AVL9: variants seen among roughly 807,000 people sequenced by gnomAD.
AVL9 encodes AVL9 cell migration associated, also known as late secretory pathway protein AVL9 homolog.
In AVL9, 49 loss-of-function variants were observed where a neutral mutation model predicts 79.2. That is an observed-to-expected ratio of 0.62 (90% CI 0.49 to 0.79). The LOEUF (loss-of-function observed/expected upper bound fraction) is 0.79. Among genes scored for constraint, AVL9 ranks in the 30% least tolerant of loss-of-function variants. AVL9 has a pLI of 0.00. For missense variants in AVL9, 682 were observed against 776.8 expected (o/e 0.88, Z 1.45); for synonymous variants, 299 against 280.6 (o/e 1.07, Z -0.65).
intron 8 of AVL9, among the ~76,000 whole-genome samples, chr7:32,557,647 G>A (rs570194078): frequency 2.6e-5 from 4 of 152,264 alleles, no homozygotes; most frequent in Non-Finnish European, 4.4e-5. Flanking sequence ...GTAGTTAGTA[G>A]TATTGGTGAT....
chr7:32,573,466 T>C (rs778516703), intron 12 of AVL9, 48 bp downstream of exon 12: 137 of 1,520,998 alleles, frequency 9.0e-5, no homozygotes, highest in Non-Finnish European at 1.2e-4. Flanking sequence ...TTATAATTTT[T>C]CATTTTGTAA....
intron 1 of AVL9, among the ~76,000 whole-genome samples, chr7:32,500,748 T>C (rs1453397047): frequency 2.0e-5 from 3 of 152,144 alleles, no homozygotes; most frequent in African/African-American, 7.2e-5. Flanking sequence ...TAGGTGTTAG[T>C]TTAAGTCTTT....
intron 15 of AVL9, among the ~76,000 whole-genome samples, chr7:32,583,025 AC>A (rs1179538129): frequency 2.6e-5 from 4 of 152,138 alleles, no homozygotes; most frequent in African/African-American, 9.7e-5. Context: ...AACACAATAG[AC>A]CTGGGGCAGA....
rs1583579784 is a variant in AVL9 at position 32,562,089 on chromosome 7, G to C, written c.1215+2625G>C. ...TCAACATAACAAACACAATAATAAGGAAAACGTGTGAGATGTGAGAATTAC... is the reference window on the plus strand; with the variant it reads ...TCAACATAACAAACACAATAATAAGCAAAACGTGTGAGATGTGAGAATTAC... On this transcript the variant is annotated intron_variant, in intron 10 of 15. Transcript: ENST00000318709. Among the ~76,000 whole-genome samples the C allele has an allele frequency of 2.0e-5, 3 of 152,274 alleles. No individual in the cohort carries two copies. The East Asian group carries it at 5.8e-4, about 29-fold the overall frequency.
In AVL9 at chr7:32,498,756, C is replaced by T. The variant is rs73297790; in HGVS notation, c.93+2954C>T. Among the ~76,000 whole-genome samples, 127 of 151,760 alleles carry T rather than the reference C, an allele frequency of 8.4e-4. 1 individual carries two copies. The highest frequency in any genetic ancestry group is 3.0e-3 in the African/African-American group (122 of 41,348). ...GTGATTTTTTTGAGTTCTACCATAACATTTAAAGTTGTTTCAAAATATTTA... is the reference window on the plus strand; with the variant it reads ...GTGATTTTTTTGAGTTCTACCATAATATTTAAAGTTGTTTCAAAATATTTA... On this transcript the variant is annotated intron_variant, in intron 1 of 15. Transcript: ENST00000318709.
At chr7:32,540,368 G>A (rs978804058) in intron 1 of AVL9, among the ~76,000 whole-genome samples, 12 of 152,218 alleles carry the variant, frequency 7.9e-5, no homozygotes, top group Non-Finnish European at 1.3e-4. Context: ...TATGTGAGCA[G>A]ACAGTGCTTC....
chr7:32,545,408 G>A (rs900745715), intron 3 of AVL9, among the ~76,000 whole-genome samples: 8 of 110,928 alleles, frequency 7.2e-5, no homozygotes, highest in Admixed American at 3.0e-4. Flanking sequence ...GTCTCACTCT[G>A]TTGCCTAGGC....
In AVL9 at chr7:32,584,222, C is replaced by G. The variant is rs1290357646; in HGVS notation, c.*315C>G. ...TTGGTTTACTTTAGAAGAGTTTTTA[C>G]TTATGTAAATTTTGTTCTGTTTTGG... is the stretch of plus-strand genomic sequence containing the variant. On this transcript the variant is annotated 3_prime_UTR_variant, in exon 16 of 16. Coordinates refer to ENST00000318709, the MANE Select transcript of AVL9 (RefSeq NM_015060.3). The G allele has an allele frequency of 9.9e-6, 3 of 302,080 alleles. No homozygotes were observed. Among genetic ancestry groups the G allele is most frequent in the African/African-American group, 6.4e-5 (3 of 46,564 alleles). The allele number at this position is 302,080 out of a possible 1,614,324, so 18.7% of individuals were successfully genotyped here.
Position 32,585,555 on chromosome 7 carries a change from G to T in AVL9, c.*1648G>T, listed in dbSNP as rs763118873. 7.9e-5 allele frequency: 12 copies of T among 152,228 alleles called. No individual in the cohort carries two copies. The highest frequency in any genetic ancestry group is 1.5e-4 in the Non-Finnish European group (10 of 68,040). 9.4% of individuals were successfully genotyped at this position (152,228 alleles called of 1,614,324 possible). ...TACATTGTGAGTATGATCTATCCCA[G>T]ATTGCTGGGGAAATAAAGGAGGGCC... On this transcript the variant is annotated 3_prime_UTR_variant, in exon 16 of 16. Transcript: ENST00000318709.
At chr7:32,560,193 G>A (rs1397291179) in intron 10 of AVL9, among the ~76,000 whole-genome samples, 1 of 151,806 alleles carries the variant, frequency 6.6e-6, no homozygotes, top group Non-Finnish European at 1.5e-5. Flanking sequence ...CAGACTGGGT[G>A]ACAGAGGGAG....
At chr7:32,536,029 T>G (rs1402425489) in intron 1 of AVL9, 1 of 152,274 alleles carries the variant, frequency 6.6e-6, no homozygotes, top group Non-Finnish European at 1.5e-5. Context: ...GTTTCCTCCC[T>G]AGCATTACAG....
At chr7:32,519,473 C>G (rs966651811) in intron 1 of AVL9, among the ~76,000 whole-genome samples, 1 of 151,144 alleles carries the variant, frequency 6.6e-6, no homozygotes, top group African/African-American at 2.4e-5. Flanking sequence ...CAGACTGATA[C>G]AAGCTAGTTC....
rs1467233885 is a variant in AVL9 at position 32,539,727 on chromosome 7, C to T, written c.94-3414C>T. 2.0e-5 allele frequency among the ~76,000 whole-genome samples: 3 copies of T among 152,168 alleles called. No homozygotes were observed. In the East Asian group the frequency reaches 5.8e-4, roughly 29 times the overall value. ...TATTAAAGTTCTGAGGTCAGAATTC[C>T]GAAATGGGTTTCACTGGGCTAAAAT... On this transcript the variant is annotated intron_variant, in intron 1 of 15. Coordinates refer to ENST00000318709, the MANE Select transcript of AVL9 (RefSeq NM_015060.3).
intron 10 of AVL9, among the ~76,000 whole-genome samples, chr7:32,560,785 T>G (rs1452031648): frequency 1.3e-5 from 2 of 152,192 alleles, no homozygotes; most frequent in African/African-American, 4.8e-5. Context: ...CCTTATGAAA[T>G]GTGTTTCTTA....
intron 1 of AVL9, among the ~76,000 whole-genome samples, chr7:32,541,629 CA>C (rs1387335531): frequency 2.0e-5 from 3 of 151,960 alleles, no homozygotes; most frequent in African/African-American, 7.3e-5. Flanking sequence ...TCCAACAAAG[CA>C]AACTGGGATG....
chr7:32,573,289 G>C lies in AVL9; in HGVS notation c.1441G>C (p.Val481Leu). 1 of 1,613,860 alleles carries C rather than the reference G, an allele frequency of 6.2e-7. No individual in the cohort carries two copies. The highest frequency in any genetic ancestry group is 1.3e-5 in the African/African-American group (1 of 74,898). Reference protein sequence around the residue: ...TADLRFADYLVRHVTENRDDV... With the variant: ...TADLRFADYLLRHVTENRDDV... ...AGACCTAAGGTTCGCAGACTACCTA[G>C]TGAGGCACGTGACTGAGAATCGGGA... The change falls in exon 12 of 16, where the codon GTG (valine) becomes CTG (leucine). Residue 481 changes from valine to leucine, a missense_variant. By Grantham distance (32) the Val-to-Leu change is conservative (BLOSUM62 1). Transcript: ENST00000318709.
At chr7:32,541,651 G>A (rs899749232) in intron 1 of AVL9, among the ~76,000 whole-genome samples, 2 of 151,392 alleles carry the variant, frequency 1.3e-5, no homozygotes, top group African/African-American at 4.9e-5. Context: ...AAACCTGTAT[G>A]ATAAATATAT....
intron 1 of AVL9, among the ~76,000 whole-genome samples, chr7:32,500,373 T>C (rs6952690): frequency 0.97 from 148,405 of 152,266 alleles, 72,410 homozygotes; most frequent in Middle Eastern, 1. Context: ...GTTTATTGGC[T>C]GCACAGATAT....
At position 32,579,585 on chromosome 7, in the gene AVL9, ATAT is replaced by A. The variant is rs1410920637; in HGVS notation, c.1689-630_1689-628del. Among the ~76,000 whole-genome samples, 10 of 11,346 alleles carry A rather than the reference ATAT, an allele frequency of 8.8e-4. 1 individual carries two copies. In the South Asian group the frequency reaches 0.013, roughly 15 times the overall value. The allele number at this position is 11,346 out of a possible 152,430, so 7.4% of individuals were successfully genotyped here. The stretch of plus-strand genomic sequence containing the variant: ...TATTATATATTATATTATATATTAT[ATAT>A]TATATATTATATATTATATTATATA... On this transcript the variant is annotated intron_variant, in intron 13 of 15. Transcript: ENST00000318709.
Sources: gnomAD v4.1 joint callset for allele counts (sites outside exome capture counted in the v4.1 genomes callset) on GRCh38, gnomAD v4.1.1 for gene constraint, MANE v1.5 for transcripts, NCBI Gene and HGNC (gene_info 2026-07-23, HGNC 2026-07-21) for gene names.